The following ALG10 variants were observed in gnomAD, a reference collection of about 807,000 sequenced individuals.
The protein encoded by ALG10 is dol-P-Glc:Glc(2)Man(9)GlcNAc(2)-PP-Dol alpha-1,2-glucosyltransferase A.
In ALG10, 25 loss-of-function variants were observed where a neutral mutation model predicts 39.2. The observed-to-expected ratio is 0.64, with a 90% CI of 0.46 to 0.89. The LOEUF is 0.89. Among genes scored for constraint, ALG10 ranks in the 40% least tolerant of loss-of-function variants. ALG10 has a pLI of 0.00. For missense variants in ALG10, 486 were observed against 546.6 expected (o/e 0.89, Z 1.11); for synonymous variants, 184 against 193.9 (o/e 0.95, Z 0.42).
rs769320150 is a variant in ALG10, at chr12:34,026,598, G to A, written c.1105G>A (p.Val369Ile). The A allele has an allele frequency of 6.2e-7, 1 of 1,613,854 alleles. No individual in the cohort carries two copies. The highest frequency in any genetic ancestry group is 1.1e-5 in the South Asian group (1 of 91,056). ...AAGAGTTTTTCAAAGATATGAAACT[G>A]TAAAATATTTGTTAGTTCCAGCCTA... ...WKRVFQRYET[V>I]KYLLVPAYIF... Residue 369 changes from valine to isoleucine, a missense_variant, in exon 3 of 3, where the codon GTA becomes ATA. Physicochemically the swap from Val to Ile is conservative, Grantham distance 29 (BLOSUM62 3). Transcript: ENST00000266483.
At position 34,025,892 on chromosome 12, in the gene ALG10, A is replaced by G. The variant is rs1045419394; in HGVS notation, c.399A>G (p.Ser133=). Residue 133 remains serine (S), a synonymous_variant, in exon 3 of 3, where the codon TCA becomes TCG. Coordinates refer to ENST00000266483, the MANE Select transcript of ALG10 (RefSeq NM_032834.4). ...CCTCAAGTATCCAGAGAGTCTTGTC[A>G]ACATTAACACTAGCAGTATTTCCAA... ...KAASSIQRVL[S]TLTLAVFPTL... is the part of the protein sequence containing the mutation. The G allele has an allele frequency of 6.2e-6, 10 of 1,613,926 alleles. No homozygotes were observed. The highest frequency in any genetic ancestry group is 7.6e-6 in the Non-Finnish European group (9 of 1,179,926).
In ALG10 at chr12:34,027,132, A is replaced by G. The variant is rs541080249; in HGVS notation, c.*217A>G. ...CCTGCTTCAAAAGCCTGAAAAATGG[A>G]AAAATAAAATTGTTTTCAGATATCT... On this transcript the variant is annotated 3_prime_UTR_variant, in exon 3 of 3. Transcript: ENST00000266483. The G allele has an allele frequency of 1.3e-5, 6 of 447,696 alleles. No homozygotes were observed. The highest frequency in any genetic ancestry group is 1.2e-4 in the East Asian group (3 of 25,724). 27.7% of individuals were successfully genotyped at this position (447,696 alleles called of 1,614,324 possible).
At position 34,026,073 on chromosome 12, in the gene ALG10, G is replaced by C. The variant is rs780471031; in HGVS notation, c.580G>C (p.Val194Leu). The C allele has an allele frequency of 2.7e-5, 43 of 1,613,976 alleles. No individual in the cohort carries two copies. The highest frequency in any genetic ancestry group is 2.5e-4 in the South Asian group (23 of 91,086). ...TCGGCAAACAAATATCATCTGGGCTGTCTTCTGTGCAGGAAATGTCATTGC... is the reference window on the plus strand; with the variant it reads ...TCGGCAAACAAATATCATCTGGGCTCTCTTCTGTGCAGGAAATGTCATTGC... Reference protein sequence around the residue: ...MFRQTNIIWAVFCAGNVIAQK... With the variant: ...MFRQTNIIWALFCAGNVIAQK... The change falls in exon 3 of 3, where the codon GTC (valine) becomes CTC (leucine). Residue 194 changes from valine to leucine, a missense_variant. Val to Leu is a conservative substitution (Grantham distance 32). Transcript: ENST00000266483.
At position 34,027,662 on chromosome 12, in the gene ALG10, C is replaced by A. The variant is rs1295817284; in HGVS notation, c.*747C>A. ...CTTTCTGAAATACATATTGTATTAG[C>A]TTCCCAGGGCTTCCATAACAAATGA... On this transcript the variant is annotated 3_prime_UTR_variant, in exon 3 of 3. Transcript: ENST00000266483. 1 of 152,116 alleles carries A rather than the reference C, an allele frequency of 6.6e-6. No homozygotes were observed. The highest frequency in any genetic ancestry group is 1.9e-4 in the East Asian group (1 of 5,190). The allele number at this position is 152,116 out of a possible 1,614,324, so 9.4% of individuals were successfully genotyped here. A position where few individuals can be genotyped will look rare whatever the true frequency, so the allele number is the denominator to read the frequency against.
At chr12:34,023,491 T>G in intron 1 of ALG10, 1 of 184,460 alleles carries the variant, frequency 5.4e-6, no homozygotes, top group Non-Finnish European at 1.2e-5. Flanking sequence ...AGGTTACTCA[T>G]CTGCAAAATG....
At position 34,022,586 on chromosome 12, in the gene ALG10, C is replaced by T. The variant is rs369632018; in HGVS notation, c.-14C>T. On this transcript the variant is annotated 5_prime_UTR_variant, in exon 1 of 3. Coordinates refer to ENST00000266483, the MANE Select transcript of ALG10 (RefSeq NM_032834.4). ...CCAGGAGTAGGTTCTTGGGCAGTGG[C>T]TGTGGGAGCTGGAATGGCGCAGCTG... 3 of 1,613,932 alleles carry T rather than the reference C, an allele frequency of 1.9e-6. No homozygotes were observed. The highest frequency in any genetic ancestry group is 2.5e-6 in the Non-Finnish European group (3 of 1,179,976).
chr12:34,024,208 AAT>A, intron 2 of ALG10, 49 bp downstream of exon 2: 1 of 1,578,244 alleles, frequency 6.3e-7, no homozygotes, highest in Admixed American at 1.7e-5. Context: ...TCAGGTCCAC[AAT>A]TACAATGAAT....
chr12:34,022,501 C>A lies in ALG10; in HGVS notation c.-99C>A. 1.9e-6 allele frequency: 3 copies of A among 1,595,396 alleles called. No individual in the cohort carries two copies. The highest frequency in any genetic ancestry group is 2.2e-5 in the South Asian group (2 of 90,136). On this transcript the variant is annotated 5_prime_UTR_variant, in exon 1 of 3. Transcript: ENST00000266483. ...GTATGTGGCCCCGTCTGGCTAGTCC[C>A]GCCTAGCGCGCCCATTTCGAGCCCA...
upstream of ALG10, chr12:34,022,415 T>A: frequency 2.1e-6 from 2 of 930,914 alleles, no homozygotes. Context: ...AACCCGTCAC[T>A]CCGGGAAACA....
chr12:34,028,086 G>A lies in ALG10; in HGVS notation c.*1171G>A, dbSNP rs1378396921. 1 of 152,138 alleles carries A rather than the reference G, an allele frequency of 6.6e-6. No homozygotes were observed. The highest frequency in any genetic ancestry group is 1.5e-5 in the Non-Finnish European group (1 of 68,014). The allele number at this position is 152,138 out of a possible 1,614,324, so 9.4% of individuals were successfully genotyped here. A position where few individuals can be genotyped will look rare whatever the true frequency, so the allele number is the denominator to read the frequency against. Reference sequence around the variant, plus strand: ...GTAAGTTTGTATTCACATGATCTGAGTAGACATTGTCTCTTCGTGGGATAC... The same window carrying A: ...GTAAGTTTGTATTCACATGATCTGAATAGACATTGTCTCTTCGTGGGATAC... On this transcript the variant is annotated 3_prime_UTR_variant, in exon 3 of 3. Coordinates refer to ENST00000266483, the MANE Select transcript of ALG10 (RefSeq NM_032834.4).
At position 34,027,036 on chromosome 12, in the gene ALG10, A is replaced by G; in HGVS notation, c.*121A>G. ...GGTGCAGTGGTGGTCTTCAAATTAC[A>G]TTAGTTTTTTTTATATATATTTTAA... On this transcript the variant is annotated 3_prime_UTR_variant, in exon 3 of 3. Transcript: ENST00000266483. The G allele has an allele frequency of 9.3e-7, 1 of 1,079,870 alleles. No individual in the cohort carries two copies. Among genetic ancestry groups the G allele is most frequent in the Non-Finnish European group, 1.3e-6 (1 of 776,698 alleles). 66.9% of individuals were successfully genotyped at this position (1,079,870 alleles called of 1,614,324 possible).
In ALG10 at chr12:34,022,605, G is replaced by A. The variant is rs1381290787; in HGVS notation, c.6G>A (p.Ala2=). 1.2e-6 allele frequency: 2 copies of A among 1,613,946 alleles called. No individual in the cohort carries two copies. The highest frequency in any genetic ancestry group is 1.1e-5 in the South Asian group (1 of 91,076). Reference sequence around the variant, plus strand: ...CAGTGGCTGTGGGAGCTGGAATGGCGCAGCTGGAAGGTTACTATTTCTCGG... The same window carrying A: ...CAGTGGCTGTGGGAGCTGGAATGGCACAGCTGGAAGGTTACTATTTCTCGG... M[A]QLEGYYFSAA... The change falls in exon 1 of 3, where the codon GCG becomes GCA. Residue 2 remains alanine (A), a synonymous_variant. Coordinates refer to ENST00000266483, the MANE Select transcript of ALG10 (RefSeq NM_032834.4).
Position 34,022,615 on chromosome 12 carries a change from G to A in ALG10, c.16G>A (p.Gly6Ser), listed in dbSNP as rs996492124. The A allele has an allele frequency of 1.3e-5, 21 of 1,614,030 alleles. No homozygotes were observed. Among genetic ancestry groups the A allele is most frequent in the South Asian group, 1.1e-5 (1 of 91,084 alleles). ...GGGAGCTGGAATGGCGCAGCTGGAA[G>A]GTTACTATTTCTCGGCCGCCTTGAG... MAQLE[G>S]YYFSAALSCT... is the part of the protein sequence containing the mutation. Residue 6 changes from glycine to serine, a missense_variant, in exon 1 of 3, where the codon GGT (glycine) becomes AGT (serine). Transcript: ENST00000266483.
At position 34,027,151 on chromosome 12, in the gene ALG10, G is replaced by A. The variant is rs1942842714; in HGVS notation, c.*236G>A. 5.2e-6 allele frequency: 2 copies of A among 384,564 alleles called. No homozygotes were observed. Among genetic ancestry groups the A allele is most frequent in the Non-Finnish European group, 9.1e-6 (2 of 220,668 alleles). The allele number at this position is 384,564 out of a possible 1,614,324, so 23.8% of individuals were successfully genotyped here. A position where few individuals can be genotyped will look rare whatever the true frequency, so the allele number is the denominator to read the frequency against. On this transcript the variant is annotated 3_prime_UTR_variant, in exon 3 of 3. Transcript: ENST00000266483. Reference sequence around the variant, plus strand: ...AAATGGAAAAATAAAATTGTTTTCAGATATCTCATATCACTCTCATAATGT... The same window carrying A: ...AAATGGAAAAATAAAATTGTTTTCAAATATCTCATATCACTCTCATAATGT...
chr12:34,026,458 G>A lies in ALG10; in HGVS notation c.965G>A (p.Arg322His), dbSNP rs776095952. 16 of 1,613,450 alleles carry A rather than the reference G, an allele frequency of 9.9e-6. No homozygotes were observed. The highest frequency in any genetic ancestry group is 4.4e-5 in the South Asian group (4 of 91,052). ...IKTFLSLVWK[R>H]RILFFVVTLV... ...ACTTTTCTTTCCTTAGTTTGGAAACGTAGAATTCTGTTTTTTGTGGTTACC... is the reference window on the plus strand; with the variant it reads ...ACTTTTCTTTCCTTAGTTTGGAAACATAGAATTCTGTTTTTTGTGGTTACC... Residue 322 changes from arginine to histidine, a missense_variant, in exon 3 of 3, where the codon CGT becomes CAT. Arg to His is a conservative substitution (Grantham distance 29). Coordinates refer to ENST00000266483, the MANE Select transcript of ALG10 (RefSeq NM_032834.4).
At chr12:34,025,052 T>C (rs1942816170) in intron 2 of ALG10, among the ~76,000 whole-genome samples, 1 of 152,102 alleles carries the variant, frequency 6.6e-6, no homozygotes, top group Non-Finnish European at 1.5e-5. Flanking sequence ...TTGCAGGGAA[T>C]TGGTCTTGGA....
chr12:34,025,552 A>G (rs2070220246), intron 2 of ALG10, among the ~76,000 whole-genome samples: 2 of 152,132 alleles, frequency 1.3e-5, no homozygotes, highest in African/African-American at 4.8e-5. Context: ...TCCACATAGA[A>G]CTTAGTTAGT....
In ALG10 at chr12:34,022,514, C is replaced by G; in HGVS notation, c.-86C>G. ...TCTGGCTAGTCCCGCCTAGCGCGCC[C>G]ATTTCGAGCCCAAGTTTCCAGCTCG... On this transcript the variant is annotated 5_prime_UTR_variant, in exon 1 of 3. Coordinates refer to ENST00000266483, the MANE Select transcript of ALG10 (RefSeq NM_032834.4). 2 of 1,609,546 alleles carry G rather than the reference C, an allele frequency of 1.2e-6. No homozygotes were observed. The highest frequency in any genetic ancestry group is 1.7e-6 in the Non-Finnish European group (2 of 1,177,232).
chr12:34,023,693 CT>C (rs1377577538), intron 1 of ALG10: 1 of 464,220 alleles, frequency 2.2e-6, no homozygotes. Context: ...AAAATAAAGG[CT>C]TTTAAAGAAC....
Sources: gnomAD v4.1 joint callset for allele counts (sites outside exome capture counted in the v4.1 genomes callset) on GRCh38, gnomAD v4.1.1 for gene constraint, MANE v1.5 for transcripts, NCBI Gene and HGNC (gene_info 2026-07-23, HGNC 2026-07-21) for gene names.